ZNF503: variants seen among roughly 807,000 people sequenced by gnomAD.
ZNF503 encodes the protein zinc finger protein 503, also known as NocA-like zinc finger 2.
A neutral mutation model predicts 34.4 loss-of-function variants in ZNF503; 15 were observed. The ratio of observed to expected loss-of-function variants is 0.44; its 90% CI spans 0.29 to 0.67. ZNF503 has a LOEUF of 0.67. Among genes scored for constraint, ZNF503 ranks in the 30% least tolerant of loss-of-function variants. ZNF503 has a pLI of 0.13. For synonymous variants in ZNF503, 580 were observed against 456.8 expected (o/e 1.27, Z -3.44); for missense variants, 1,007 against 926.8 (o/e 1.09, Z -1.12).
the ZNF503 span, among the ~76,000 whole-genome samples, chr10:75,353,742 T>G: frequency 6.6e-6 from 1 of 152,172 alleles, no homozygotes; most frequent in African/African-American, 2.4e-5. Flanking sequence ...CCATCCTCAC[T>G]TCAGCATGAG....
At chr10:75,335,881 T>C in the ZNF503 span, among the ~76,000 whole-genome samples, 1 of 152,192 alleles carries the variant, frequency 6.6e-6, no homozygotes, top group African/African-American at 2.4e-5. Context: ...TTTTGTTTTC[T>C]GTTCTTCTAC....
chr10:75,315,457 G>C, the ZNF503 span, among the ~76,000 whole-genome samples: 1 of 152,168 alleles, frequency 6.6e-6, no homozygotes, highest in Admixed American at 6.5e-5. Context: ...TAAAATATAG[G>C]GGTTGGAAGT....
chr10:75,337,618 C>CAA, the ZNF503 span, among the ~76,000 whole-genome samples: 12,004 of 148,158 alleles, frequency 0.081, 645 homozygotes, highest in Non-Finnish European at 0.12. Flanking sequence ...ACTCCGTCTC[C>CAA]AAAAGAAAAA....
At chr10:75,292,394 G>A in the ZNF503 span, among the ~76,000 whole-genome samples, 19 of 152,304 alleles carry the variant, frequency 1.2e-4, no homozygotes, top group Non-Finnish European at 2.4e-4. Context: ...AGCATGGAGT[G>A]GGCTTCAGGC....
chr10:75,372,062 C>T, the ZNF503 span, among the ~76,000 whole-genome samples: 1 of 152,192 alleles, frequency 6.6e-6, no homozygotes, highest in Non-Finnish European at 1.5e-5. Flanking sequence ...TCACGAGTAG[C>T]TGGGATTACA....
At chr10:75,290,730 A>G in the ZNF503 span, among the ~76,000 whole-genome samples, 1 of 152,350 alleles carries the variant, frequency 6.6e-6, no homozygotes, top group African/African-American at 2.4e-5. Context: ...AGATGAGAGG[A>G]GTTGTCTCAA....
the ZNF503 span, among the ~76,000 whole-genome samples, chr10:75,373,062 C>T: frequency 2.6e-5 from 4 of 152,360 alleles, no homozygotes; most frequent in South Asian, 2.1e-4. Context: ...CTGGGAAAAA[C>T]GAACCTCTTC....
the ZNF503 span, among the ~76,000 whole-genome samples, chr10:75,381,870 A>G: frequency 5.3e-4 from 65 of 122,618 alleles, 1 homozygote; most frequent in African/African-American, 1.9e-3. Context: ...GGCTGGGCAC[A>G]ATCTCTGCTC....
chr10:75,357,779 G>A, the ZNF503 span, among the ~76,000 whole-genome samples: 3 of 152,122 alleles, frequency 2.0e-5, no homozygotes, highest in Admixed American at 6.5e-5. Flanking sequence ...CTCTAATATT[G>A]GGCCATGATA....
chr10:75,390,465 ATCCTCCTCT>A, the ZNF503 span, among the ~76,000 whole-genome samples: 1 of 130,664 alleles, frequency 7.7e-6, no homozygotes, highest in Non-Finnish European at 1.6e-5. Flanking sequence ...CCTTCTTCTC[ATCCTCCTCT>A]TCCTCCTCAG....
chr10:75,353,875 G>A, the ZNF503 span, among the ~76,000 whole-genome samples: 939 of 152,330 alleles, frequency 6.2e-3, 5 homozygotes, highest in African/African-American at 0.022. Context: ...ATAAGCAATA[G>A]ATGCGAGAGT....
the ZNF503 span, among the ~76,000 whole-genome samples, chr10:75,362,115 C>T: frequency 6.6e-6 from 1 of 152,204 alleles, no homozygotes; most frequent in Non-Finnish European, 1.5e-5. Flanking sequence ...ATAAAAACAG[C>T]ACCAATGCAA....
At chr10:75,358,072 A>C in the ZNF503 span, among the ~76,000 whole-genome samples, 13 of 152,040 alleles carry the variant, frequency 8.6e-5, no homozygotes, top group African/African-American at 3.1e-4. Flanking sequence ...TATGGAGAGA[A>C]CTTTCCTGCC....
At chr10:75,300,153 C>T in the ZNF503 span, among the ~76,000 whole-genome samples, 2 of 152,338 alleles carry the variant, frequency 1.3e-5, no homozygotes, top group East Asian at 3.9e-4. Flanking sequence ...GGGGCACATT[C>T]TCTTTCTCAG....
At chr10:75,346,972 T>C in the ZNF503 span, among the ~76,000 whole-genome samples, 3 of 152,104 alleles carry the variant, frequency 2.0e-5, no homozygotes, top group Admixed American at 6.5e-5. Context: ...TCATTTTGCA[T>C]TGAGCCCTGC....
chr10:75,357,510 T>G, the ZNF503 span, among the ~76,000 whole-genome samples: 1 of 152,152 alleles, frequency 6.6e-6, no homozygotes, highest in Non-Finnish European at 1.5e-5. Flanking sequence ...AGAGCGAGAC[T>G]CTGTCTCAAA....
the ZNF503 span, among the ~76,000 whole-genome samples, chr10:75,329,286 TTA>T: frequency 6.6e-6 from 1 of 152,156 alleles, no homozygotes; most frequent in Non-Finnish European, 1.5e-5. Context: ...CTGAATTCAT[TTA>T]TCTGTTCTAA....
Position 75,398,710 on chromosome 10 carries a change from C to G in ZNF503, c.*39G>C, listed in dbSNP as rs769830389. The G allele has an allele frequency of 1.4e-4, 188 of 1,351,230 alleles. No individual in the cohort carries two copies. Among genetic ancestry groups the G allele is most frequent in the Admixed American group, 7.4e-4 (21 of 28,322 alleles). The allele number at this position is 1,351,230 out of a possible 1,614,324, so 83.7% of individuals were successfully genotyped here. ...CCTCTCCCTGGACTCCTCCCCTCCCCCTCTCCCTCCTCTCCCTCGCTCGCC... is the reference window on the plus strand; with the variant it reads ...CCTCTCCCTGGACTCCTCCCCTCCCGCTCTCCCTCCTCTCCCTCGCTCGCC... On this transcript the variant is annotated 3_prime_UTR_variant, in exon 2 of 2. Transcript: ENST00000372524.
At chr10:75,293,516 G>T in the ZNF503 span, among the ~76,000 whole-genome samples, 1 of 152,210 alleles carries the variant, frequency 6.6e-6, no homozygotes, top group Admixed American at 6.5e-5. Context: ...GAAGAGTCCT[G>T]TCCATTAGGG....
Sources: gnomAD v4.1 joint callset for allele counts (sites outside exome capture counted in the v4.1 genomes callset) on GRCh38, gnomAD v4.1.1 for gene constraint, MANE v1.5 for transcripts, NCBI Gene and HGNC (gene_info 2026-07-23, HGNC 2026-07-21) for gene names.